The following LHX9 variants were observed in gnomAD, a reference collection of about 807,000 sequenced individuals.
LHX9 encodes LIM homeobox 9.
LHX9 carries 9 observed loss-of-function variants against 36.5 expected under a neutral mutation model. That is an observed-to-expected ratio of 0.25 (90% CI 0.15 to 0.43). The LOEUF (loss-of-function observed/expected upper bound fraction) is 0.43, where lower values mean the gene tolerates loss of function less well. Among genes scored for constraint, LHX9 ranks in the 20% least tolerant of loss-of-function variants. The pLI is 1.00. For synonymous variants in LHX9, 211 were observed against 212.1 expected, an observed-to-expected ratio of 0.99 and a Z score of 0.04; for missense variants, 464 against 526.4, an observed-to-expected ratio of 0.88 and a Z score of 1.16.
chr1:197,919,750 CG>C (rs1557972365), intron 1 of LHX9, among the ~76,000 whole-genome samples: 2 of 152,238 alleles, frequency 1.3e-5, no homozygotes, highest in Non-Finnish European at 2.9e-5. Flanking sequence ...TTAGTAGTCC[CG>C]GGAGGACGCG....
Position 197,929,274 on chromosome 1 carries a change from T to A in LHX9, c.*15T>A, listed in dbSNP as rs1470648095. The A allele has an allele frequency of 7.4e-7, 1 of 1,356,098 alleles. No individual in the cohort carries two copies. Among genetic ancestry groups the A allele is most frequent in the African/African-American group, 1.5e-5 (1 of 66,826 alleles). The allele number at this position is 1,356,098 out of a possible 1,614,324, so 84.0% of individuals were successfully genotyped here. A position where few individuals can be genotyped will look rare whatever the true frequency, so the allele number is the denominator to read the frequency against. Reference sequence around the variant, plus strand: ...ACCTTTTCTAACATTGGTTTTTTTTTTTTAGTTTTTAAATTCTTCCTCTTC... The same window carrying A: ...ACCTTTTCTAACATTGGTTTTTTTTATTTAGTTTTTAAATTCTTCCTCTTC... On this transcript the variant is annotated 3_prime_UTR_variant, in exon 5 of 5. Coordinates refer to ENST00000367387, the MANE Select transcript of LHX9 (RefSeq NM_020204.3).
At position 197,931,814 on chromosome 1, in the gene LHX9, G is replaced by C; in HGVS notation, c.*2555G>C. 4.2e-6 allele frequency: 3 copies of C among 720,986 alleles called. No individual in the cohort carries two copies. Among genetic ancestry groups the C allele is most frequent in the Non-Finnish European group, 7.1e-6 (3 of 419,582 alleles). The allele number at this position is 720,986 out of a possible 1,614,324, so 44.7% of individuals were successfully genotyped here. A position where few individuals can be genotyped will look rare whatever the true frequency, so the allele number is the denominator to read the frequency against. On this transcript the variant is annotated 3_prime_UTR_variant, in exon 5 of 5. Transcript: ENST00000367387. The stretch of plus-strand genomic sequence containing the variant: ...AAATATGATTAAGATTTCATGTTAG[G>C]TCTATTGAGCACAAATGGATATTTG...
At chr1:197,922,354 G>A (rs1350916361) in intron 3 of LHX9, among the ~76,000 whole-genome samples, 1 of 152,092 alleles carries the variant, frequency 6.6e-6, no homozygotes, top group Non-Finnish European at 1.5e-5. Context: ...GAGGCTTAGT[G>A]GTATCTCAGG....
chr1:197,917,092 G>GTA (rs2102590325), upstream of LHX9: 2 of 81,410 alleles, frequency 2.5e-5, no homozygotes, highest in Admixed American at 3.1e-4. Flanking sequence ...TTGGAAGGAT[G>GTA]TGTGTGTGTG....
chr1:197,931,979 A>G lies in LHX9; in HGVS notation c.*2720A>G. The G allele has an allele frequency of 6.5e-7, 1 of 1,543,916 alleles. No homozygotes were observed. Among genetic ancestry groups the G allele is most frequent in the Admixed American group, 2.0e-5 (1 of 50,934 alleles). On this transcript the variant is annotated 3_prime_UTR_variant, in exon 5 of 5. Transcript: ENST00000367387. Reference sequence around the variant, plus strand: ...CCGACGTTTGAAAATTCCCTAAAGTATTAAAAGAAGGGGAAAAGTTTGATC... The same window carrying G: ...CCGACGTTTGAAAATTCCCTAAAGTGTTAAAAGAAGGGGAAAAGTTTGATC...
intron 3 of LHX9, among the ~76,000 whole-genome samples, chr1:197,927,250 A>C (rs1660171745): frequency 6.6e-6 from 1 of 152,212 alleles, no homozygotes; most frequent in African/African-American, 2.4e-5. Flanking sequence ...TATATTAGAA[A>C]AGGGTTTCTT....
chr1:197,917,090 A>ATG (rs5779891), upstream of LHX9: 32,813 of 157,376 alleles, frequency 0.21, 3,525 homozygotes, highest in Middle Eastern at 0.3. Flanking sequence ...TCTTGGAAGG[A>ATG]TGTGTGTGTG....
upstream of LHX9, chr1:197,912,966 G>A (rs1659660648): frequency 3.2e-5 from 7 of 216,596 alleles, no homozygotes; most frequent in Admixed American, 2.2e-4. Flanking sequence ...CACACGTGTA[G>A]GGGTTAACTG....
chr1:197,921,469 G>A lies in LHX9; in HGVS notation c.543G>A (p.Val181=). ...GDHFGMKDSL[V]YCRAHFETLL... is the part of the protein sequence containing the mutation. Reference sequence around the variant, plus strand: ...ATTTCGGCATGAAGGACAGCCTGGTGTACTGCCGCGCCCACTTCGAGACCC... The same window carrying A: ...ATTTCGGCATGAAGGACAGCCTGGTATACTGCCGCGCCCACTTCGAGACCC... Residue 181 remains valine (V), a synonymous_variant, in exon 3 of 5, where the codon GTG becomes GTA. Coordinates refer to ENST00000367387, the MANE Select transcript of LHX9 (RefSeq NM_020204.3). This position sits in a 1 kb window ranked among gnomAD's most constrained non-coding sequence, Gnocchi z 4.6. 3 of 1,614,248 alleles carry A rather than the reference G, an allele frequency of 1.9e-6. No individual in the cohort carries two copies. The highest frequency in any genetic ancestry group is 2.5e-6 in the Non-Finnish European group (3 of 1,180,050).
rs1329314307 is a variant in LHX9 at position 197,919,953 on chromosome 1, C to A, written c.175-19C>A. ...ACACCGCGCGCCCTCCTCAGCCTTG[C>A]GGTGTGCTTTCTTTGCAGGGCATGC... is the stretch of plus-strand genomic sequence containing the variant. On this transcript the variant is annotated intron_variant, in intron 1 of 4. Coordinates refer to ENST00000367387, the MANE Select transcript of LHX9 (RefSeq NM_020204.3). 6 of 1,612,670 alleles carry A rather than the reference C, an allele frequency of 3.7e-6. No individual in the cohort carries two copies. The highest frequency in any genetic ancestry group is 1.1e-5 in the South Asian group (1 of 90,892).
chr1:197,934,857 GAAT>G lies in LHX9; in HGVS notation c.*5603_*5605del, dbSNP rs962756484. ...TGCCCTCACAACAGTTTTTTTTTCA[GAAT>G]AATATTATGATTTACCTTATTTTAA... is the stretch of plus-strand genomic sequence containing the variant. On this transcript the variant is annotated 3_prime_UTR_variant, in exon 5 of 5. Transcript: ENST00000367387. 2 of 150,804 alleles carry G rather than the reference GAAT, an allele frequency of 1.3e-5. No homozygotes were observed. Among genetic ancestry groups the G allele is most frequent in the Non-Finnish European group, 3.0e-5 (2 of 67,690 alleles). The allele number at this position is 150,804 out of a possible 1,614,324, so 9.3% of individuals were successfully genotyped here. A position where few individuals can be genotyped will look rare whatever the true frequency, so the allele number is the denominator to read the frequency against.
chr1:197,919,448 GT>G (rs1254376680), intron 1 of LHX9, among the ~76,000 whole-genome samples: 1 of 152,196 alleles, frequency 6.6e-6, no homozygotes, highest in Non-Finnish European at 1.5e-5. Context: ...TCAAAACAAA[GT>G]CGACCAAATT....
upstream of LHX9, chr1:197,912,539 A>C: frequency 6.2e-7 from 1 of 1,614,156 alleles, no homozygotes; most frequent in Non-Finnish European, 8.5e-7. Flanking sequence ...AGAATGCTGA[A>C]CGGTACCACT....
Position 197,927,613 on chromosome 1 carries a change from C to G in LHX9, c.756C>G (p.Asp252Glu). ...YNSGCNENEA[D>E]HLDRDQQPYP... is the part of the protein sequence containing the mutation. ...CAGGTTGTAATGAGAATGAGGCAGA[C>G]CACTTGGACCGGGACCAGCAGCCTT... Residue 252 changes from aspartate to glutamate, a missense_variant, in exon 4 of 5, where the codon GAC (aspartate) becomes GAG (glutamate). By Grantham distance (45) the Asp-to-Glu change is conservative. Coordinates refer to ENST00000367387, the MANE Select transcript of LHX9 (RefSeq NM_020204.3). The G allele has an allele frequency of 6.2e-7, 1 of 1,614,136 alleles. No homozygotes were observed.
chr1:197,921,700 C>T lies in LHX9; in HGVS notation c.733+41C>T. 1 of 1,479,522 alleles carries T rather than the reference C, an allele frequency of 6.8e-7. No homozygotes were observed. 91.6% of individuals were successfully genotyped at this position (1,479,522 alleles called of 1,614,324 possible). ...TCACCCCCGGCGCAGCCCCGGCCTCCCTGAGGAAAATTCGTAGAGCTCCTT... is the reference window on the plus strand; with the variant it reads ...TCACCCCCGGCGCAGCCCCGGCCTCTCTGAGGAAAATTCGTAGAGCTCCTT... On this transcript the variant is annotated intron_variant, in intron 3 of 4. Coordinates refer to ENST00000367387, the MANE Select transcript of LHX9 (RefSeq NM_020204.3). This position sits in a 1 kb window ranked among gnomAD's most constrained non-coding sequence, Gnocchi z 4.6.
intron 3 of LHX9, among the ~76,000 whole-genome samples, chr1:197,925,738 A>T (rs990330439): frequency 1.3e-5 from 2 of 152,226 alleles, no homozygotes; most frequent in African/African-American, 2.4e-5. Context: ...ATCTCTGGAC[A>T]TATGGTAGCC....
At position 197,921,278 on chromosome 1, in the gene LHX9, G is replaced by A. The variant is rs780418986; in HGVS notation, c.378-26G>A. ...ATGGCTCTGCCTTGCTTCAACTAGCGCCCTGACTCAACTCTTTCCTTCCAG... is the reference window on the plus strand; with the variant it reads ...ATGGCTCTGCCTTGCTTCAACTAGCACCCTGACTCAACTCTTTCCTTCCAG... On this transcript the variant is annotated intron_variant, in intron 2 of 4. Coordinates refer to ENST00000367387, the MANE Select transcript of LHX9 (RefSeq NM_020204.3). The surrounding 1 kb of genome is among the most constrained non-coding windows in gnomAD (Gnocchi z 4.6). The A allele has an allele frequency of 1.3e-6, 2 of 1,586,232 alleles. No homozygotes were observed. Among genetic ancestry groups the A allele is most frequent in the Admixed American group, 1.7e-5 (1 of 59,108 alleles).
In LHX9 at chr1:197,921,598, A is replaced by G; in HGVS notation, c.672A>G (p.Lys224=). 1.9e-6 allele frequency: 3 copies of G among 1,608,484 alleles called. No individual in the cohort carries two copies. The highest frequency in any genetic ancestry group is 2.5e-6 in the Non-Finnish European group (3 of 1,178,666). The change falls in exon 3 of 5, where the codon AAA becomes AAG. Residue 224 remains lysine, a synonymous_variant. Coordinates refer to ENST00000367387, the MANE Select transcript of LHX9 (RefSeq NM_020204.3). The surrounding 1 kb of genome is among the most constrained non-coding windows in gnomAD (Gnocchi z 4.6). ...TCAACGGTACGGGCACCGTGCAGAAAGGGCGGCCCCGGAAGCGGAAGAGCC... is the reference window on the plus strand; with the variant it reads ...TCAACGGTACGGGCACCGTGCAGAAGGGGCGGCCCCGGAAGCGGAAGAGCC... ...PYFNGTGTVQ[K]GRPRKRKSPA...
rs1285785388 is a variant in LHX9, at chr1:197,920,136, C to T, written c.339C>T (p.Ala113=). 4.3e-6 allele frequency: 7 copies of T among 1,614,216 alleles called. No homozygotes were observed. The highest frequency in any genetic ancestry group is 5.9e-6 in the Non-Finnish European group (7 of 1,180,040). Residue 113 remains alanine (A), a synonymous_variant, in exon 2 of 5, where the codon GCC becomes GCT. Transcript: ENST00000367387. ...TCGAGTCCGAGCTCACCTGCTTTGC[C>T]AAGGACGGTAGCATTTACTGCAAGG... ...LALESELTCF[A]KDGSIYCKED... is the part of the protein sequence containing the mutation.
Sources: allele counts gnomAD v4.1 joint callset (sites outside exome capture counted in the v4.1 genomes callset), GRCh38; gene constraint gnomAD v4.1.1; non-coding constraint Gnocchi (gnomAD v3.1); transcripts MANE v1.5; gene names NCBI Gene and HGNC (gene_info 2026-07-23, HGNC 2026-07-21).